Variants in COL21A1 observed in about 807,000 individuals in gnomAD.
COL21A1 encodes collagen type XXI alpha 1 chain, also known as collagen alpha-1(XXI) chain.
A neutral mutation model predicts 137.9 loss-of-function variants in COL21A1; 149 were observed. That is an observed-to-expected ratio of 1.08 (90% CI 0.95 to 1.24). COL21A1 has a LOEUF of 1.24. Among genes scored for constraint, COL21A1 ranks in the 50% most tolerant of loss-of-function variants. The pLI, the probability that COL21A1 is intolerant of heterozygous loss-of-function variation, is 0.00. For missense variants in COL21A1, 1,167 were observed against 1,158.4 expected, an observed-to-expected ratio of 1.01 and a Z score of -0.11; for synonymous variants, 456 against 391.5, an observed-to-expected ratio of 1.16 and a Z score of -1.95.
chr6:56,154,417 A>G (rs1775581081), intron 10 of COL21A1, among the ~76,000 whole-genome samples: 1 of 152,216 alleles, frequency 6.6e-6, no homozygotes, highest in South Asian at 2.1e-4. Flanking sequence ...TGCCCAGTAC[A>G]GTAAATGGCA....
At chr6:56,270,171 A>G (rs1453584902) in intron 1 of COL21A1, among the ~76,000 whole-genome samples, 3 of 152,226 alleles carry the variant, frequency 2.0e-5, no homozygotes, top group Non-Finnish European at 4.4e-5. Context: ...TGGCTTCAAG[A>G]TACTCATCTC....
intron 1 of COL21A1, among the ~76,000 whole-genome samples, chr6:56,272,220 TCTTGGGAGCTCATCC>T (rs1207456196): frequency 2.0e-5 from 3 of 152,178 alleles, no homozygotes; most frequent in Non-Finnish European, 4.4e-5. Flanking sequence ...CTGACCATGG[TCTTGGGAGCTCATCC>T]CTTGCATCAG....
chr6:56,294,647 C>T (rs150166997), intron 1 of COL21A1, among the ~76,000 whole-genome samples: 1 of 151,988 alleles, frequency 6.6e-6, no homozygotes, highest in Non-Finnish European at 1.5e-5. Flanking sequence ...TGGGCTTTGA[C>T]AAATGTATAA....
intron 1 of COL21A1, among the ~76,000 whole-genome samples, chr6:56,326,441 G>A (rs914557129): frequency 1.3e-5 from 2 of 151,848 alleles, no homozygotes; most frequent in African/African-American, 4.8e-5. Flanking sequence ...GAAAGTAGCT[G>A]CAACATGGGC....
At chr6:56,298,041 C>A (rs1405624025) in intron 1 of COL21A1, among the ~76,000 whole-genome samples, 1 of 151,130 alleles carries the variant, frequency 6.6e-6, no homozygotes, top group Non-Finnish European at 1.5e-5. Flanking sequence ...TGTGAGCAAG[C>A]TTTTTGGTTT....
intron 1 of COL21A1, among the ~76,000 whole-genome samples, chr6:56,327,590 C>G (rs1459839067): frequency 6.6e-6 from 1 of 151,732 alleles, no homozygotes. Context: ...ACCAGAAGCC[C>G]CAGGTAGAGG....
At chr6:56,370,172 T>A (rs1312803663) in intron 1 of COL21A1, among the ~76,000 whole-genome samples, 1 of 152,040 alleles carries the variant, frequency 6.6e-6, no homozygotes, top group East Asian at 1.9e-4. Context: ...CCACATGGAG[T>A]CTGATCTCCA....
intron 1 of COL21A1, among the ~76,000 whole-genome samples, chr6:56,298,119 A>AAG (rs57407668): frequency 2.0e-5 from 3 of 151,128 alleles, no homozygotes; most frequent in Non-Finnish European, 4.4e-5. Context: ...AAAAAAAAAA[A>AAG]CCTTGCACAC....
chr6:56,165,939 C>T (rs1462460260), intron 7 of COL21A1, among the ~76,000 whole-genome samples: 1 of 150,612 alleles, frequency 6.6e-6, no homozygotes, highest in African/African-American at 2.5e-5. Flanking sequence ...CACACACACA[C>T]ACACACACTC....
At chr6:56,099,948 A>T (rs1458672316) in intron 17 of COL21A1, among the ~76,000 whole-genome samples, 1 of 152,068 alleles carries the variant, frequency 6.6e-6, no homozygotes, top group East Asian at 1.9e-4. Flanking sequence ...CAATCATTCC[A>T]CACACACCAG....
chr6:56,151,642 G>A (rs549176603), intron 10 of COL21A1, among the ~76,000 whole-genome samples: 1 of 152,246 alleles, frequency 6.6e-6, no homozygotes, highest in African/African-American at 2.4e-5. Flanking sequence ...AGTTGGCTTG[G>A]CCTGGTTATA....
chr6:56,142,035 GAGA>G (rs1270385019), intron 10 of COL21A1, 52 bp from the exon 11 acceptor site: 5 of 1,333,240 alleles, frequency 3.8e-6, no homozygotes, highest in Non-Finnish European at 5.1e-6. Context: ...TATTTACCAA[GAGA>G]AGTTCTTCGT....
chr6:56,130,165 T>TATATA (rs1773409432), intron 12 of COL21A1, among the ~76,000 whole-genome samples: 2 of 107,946 alleles, frequency 1.9e-5, no homozygotes, highest in East Asian at 2.4e-4. Context: ...TGACAGGGTT[T>TATATA]TATATATATA....
chr6:56,305,861 A>C (rs1451913079), intron 1 of COL21A1, among the ~76,000 whole-genome samples: 1 of 151,816 alleles, frequency 6.6e-6, no homozygotes, highest in Admixed American at 6.6e-5. Context: ...ATGTTTTTGC[A>C]GTGGCTGGTA....
At chr6:56,363,348 C>T (rs1012466155) in intron 1 of COL21A1, among the ~76,000 whole-genome samples, 2 of 152,190 alleles carry the variant, frequency 1.3e-5, no homozygotes, top group East Asian at 3.8e-4. Context: ...ATCTGCACAG[C>T]CCTGTGAGGT....
At chr6:56,124,680 T>C (rs921908276) in intron 14 of COL21A1, among the ~76,000 whole-genome samples, 16 of 152,058 alleles carry the variant, frequency 1.1e-4, no homozygotes, top group South Asian at 4.1e-4. Flanking sequence ...CTCACTCTGT[T>C]GCCCAGGCTG....
intron 1 of COL21A1, among the ~76,000 whole-genome samples, chr6:56,352,493 A>G (rs957913573): frequency 3.0e-4 from 45 of 152,258 alleles, no homozygotes; most frequent in African/African-American, 1.1e-3. Context: ...CCACGCAGCA[A>G]AACACCAGAG....
chr6:56,305,766 A>T (rs1211365735), intron 1 of COL21A1, among the ~76,000 whole-genome samples: 1 of 151,642 alleles, frequency 6.6e-6, no homozygotes, highest in African/African-American at 2.4e-5. Context: ...TGTGAATTTG[A>T]TCCTGTCATT....
At chr6:56,177,039 GGAAGTAGTAGTA>G (rs1033751393) in intron 3 of COL21A1, among the ~76,000 whole-genome samples, 13 of 151,522 alleles carry the variant, frequency 8.6e-5, no homozygotes, top group Non-Finnish European at 1.6e-4. Flanking sequence ...AGGAGGAGGA[GGAAGTAGTAGTA>G]GAAGTAGTAG....
Sources: gnomAD v4.1 joint callset for allele counts (sites outside exome capture counted in the v4.1 genomes callset) on GRCh38, gnomAD v4.1.1 for gene constraint, MANE v1.5 for transcripts, NCBI Gene and HGNC (gene_info 2026-07-23, HGNC 2026-07-21) for gene names.